The following PCDH7 variants were observed in gnomAD, a reference collection of about 807,000 sequenced individuals.
The protein encoded by PCDH7 is protocadherin 7.
In PCDH7, 17 loss-of-function variants were observed where a neutral mutation model predicts 58.9. The observed-to-expected ratio is 0.29, with a 90% CI of 0.20 to 0.43. The LOEUF is 0.43. Ranked by LOEUF, PCDH7 falls within the 20% of genes least tolerant of loss-of-function variation. The pLI, the probability that PCDH7 is intolerant of heterozygous loss-of-function variation, is 1.00. For missense variants in PCDH7, 1,274 were observed against 1,441.0 expected (o/e 0.88, Z 1.88); for synonymous variants, 664 against 616.4 (o/e 1.08, Z -1.14).
At chr4:30,814,289 T>G (rs901560885) in intron 1 of PCDH7, among the ~76,000 whole-genome samples, 4 of 152,008 alleles carry the variant, frequency 2.6e-5, no homozygotes, top group Non-Finnish European at 4.4e-5. Flanking sequence ...GCAAATAACA[T>G]TAATCACATT....
intron 1 of PCDH7, among the ~76,000 whole-genome samples, chr4:30,837,639 A>G (rs967089251): frequency 2.0e-5 from 3 of 151,952 alleles, no homozygotes; most frequent in Non-Finnish European, 4.4e-5. Context: ...TTGAGTTAAT[A>G]AACGCAAAGG....
chr4:30,799,267 G>A (rs371498368), intron 1 of PCDH7, among the ~76,000 whole-genome samples: 2 of 152,120 alleles, frequency 1.3e-5, no homozygotes, highest in Non-Finnish European at 2.9e-5. Context: ...CATGCTAGGG[G>A]CTGTCTAGCA....
chr4:30,988,414 A>T (rs1460651324), intron 3 of PCDH7, among the ~76,000 whole-genome samples: 3 of 152,222 alleles, frequency 2.0e-5, no homozygotes, highest in Non-Finnish European at 4.4e-5. Context: ...TAAACACTAT[A>T]GTCTGAATTA....
chr4:31,002,446 C>T (rs993017068), intron 3 of PCDH7, among the ~76,000 whole-genome samples: 2 of 152,140 alleles, frequency 1.3e-5, no homozygotes, highest in Non-Finnish European at 2.9e-5. Context: ...ATTAAATTGG[C>T]ATAAATAAGC....
Position 30,722,271 on chromosome 4 carries a change from C to T in PCDH7, c.849C>T (p.Gly283=). 1 of 1,595,698 alleles carries T rather than the reference C, an allele frequency of 6.3e-7. No homozygotes were observed. The highest frequency in any genetic ancestry group is 1.1e-5 in the South Asian group (1 of 89,062). The change falls in exon 1 of 2, where the codon GGC becomes GGT. Residue 283 remains glycine (G), a synonymous_variant. Coordinates refer to ENST00000361762, the Ensembl canonical transcript of PCDH7. The surrounding 1 kb of genome is among the most constrained non-coding windows in gnomAD (Gnocchi z 7.6). ...AGCTGACCCTGCGAGTGCGCGACGG[C>T]GGCGACCCGCCTCGCTCCTCGCAGG...
At chr4:30,823,635 G>A (rs1728645929) in intron 1 of PCDH7, among the ~76,000 whole-genome samples, 2 of 152,052 alleles carry the variant, frequency 1.3e-5, no homozygotes, top group Non-Finnish European at 2.9e-5. Context: ...ATGCCTTCCA[G>A]AGATCAGAAT....
chr4:31,038,111 G>A (rs935595970), intron 3 of PCDH7, among the ~76,000 whole-genome samples: 20 of 152,124 alleles, frequency 1.3e-4, no homozygotes, highest in Non-Finnish European at 2.1e-4. Flanking sequence ...TCTTGTTGTC[G>A]AAAATAAATT....
intron 1 of PCDH7, among the ~76,000 whole-genome samples, chr4:30,851,587 T>G (rs1560435073): frequency 6.6e-6 from 1 of 152,060 alleles, no homozygotes. Context: ...TCTCTGAGCT[T>G]CAGTTGCTTC....
chr4:31,087,235 C>T (rs1712562427), intron 3 of PCDH7, among the ~76,000 whole-genome samples: 1 of 152,044 alleles, frequency 6.6e-6, no homozygotes, highest in Non-Finnish European at 1.5e-5. Flanking sequence ...AGATCAAAAT[C>T]TTTTTACTCA....
At chr4:30,803,066 G>A (rs1277014083) in intron 1 of PCDH7, among the ~76,000 whole-genome samples, 1 of 151,280 alleles carries the variant, frequency 6.6e-6, no homozygotes, top group Non-Finnish European at 1.5e-5. Context: ...AGAGAAGGAA[G>A]TGAAGCCAGG....
intron 1 of PCDH7, among the ~76,000 whole-genome samples, chr4:30,856,558 A>G (rs979849055): frequency 6.6e-6 from 1 of 152,046 alleles, no homozygotes; most frequent in Admixed American, 6.6e-5. Context: ...AAGCTTGATC[A>G]CAAATTTTTC....
At chr4:31,012,515 A>G (rs1753273948) in intron 3 of PCDH7, among the ~76,000 whole-genome samples, 3 of 150,498 alleles carry the variant, frequency 2.0e-5, no homozygotes, top group Non-Finnish European at 4.4e-5. Flanking sequence ...GGTACTCAAT[A>G]CATTTTGTAC....
At chr4:30,990,894 C>A (rs1007206205) in intron 3 of PCDH7, among the ~76,000 whole-genome samples, 1 of 152,026 alleles carries the variant, frequency 6.6e-6, no homozygotes, top group African/African-American at 2.4e-5. Context: ...GAATAATAAT[C>A]CATCCTCTTT....
intron 1 of PCDH7, among the ~76,000 whole-genome samples, chr4:30,896,889 C>CCTTTTTTTT (rs1739467133): frequency 3.7e-5 from 1 of 27,338 alleles, no homozygotes; most frequent in East Asian, 1.4e-3. Flanking sequence ...TAGTTCTTTG[C>CCTTTTTTTT]TTTTTTTTTT....
chr4:30,822,411 C>G lies in PCDH7; in HGVS notation c.71-97742C>G, dbSNP rs576865212. ...CTCATTGTTGTGTTGCATTAAACAG[C>G]GACAGCCTGGCACAGAGTAACAGTG... On this transcript the variant is annotated intron_variant, in intron 1 of 3. Coordinates refer to the PCDH7 transcript ENST00000509759. Among the ~76,000 whole-genome samples, 3 of 152,212 alleles carry G rather than the reference C, an allele frequency of 2.0e-5. No individual in the cohort carries two copies. The South Asian group carries it at 6.2e-4, about 32-fold the overall frequency.
chr4:30,968,897 G>A (rs1371908277), intron 3 of PCDH7, among the ~76,000 whole-genome samples: 1 of 152,102 alleles, frequency 6.6e-6, no homozygotes, highest in African/African-American at 2.4e-5. Context: ...CAATTTTTCT[G>A]TCTTCTCTTT....
intron 1 of PCDH7, among the ~76,000 whole-genome samples, chr4:30,875,718 C>T (rs1427108522): frequency 6.6e-6 from 1 of 151,944 alleles, no homozygotes; most frequent in East Asian, 1.9e-4. Flanking sequence ...CATCTGATTC[C>T]GTATTTGCTT....
chr4:30,901,657 G>T (rs1578224830), intron 1 of PCDH7, among the ~76,000 whole-genome samples: 1 of 152,030 alleles, frequency 6.6e-6, no homozygotes, highest in Non-Finnish European at 1.5e-5. Flanking sequence ...CCTTACAATT[G>T]GCTTAAATGT....
intron 1 of PCDH7, among the ~76,000 whole-genome samples, chr4:30,763,391 A>G (rs1000884540): frequency 5.9e-5 from 9 of 152,226 alleles, no homozygotes; most frequent in African/African-American, 2.2e-4. Flanking sequence ...ATGATTCACC[A>G]CAGTGATCTT....
Sources: allele counts gnomAD v4.1 joint callset (sites outside exome capture counted in the v4.1 genomes callset), GRCh38; gene constraint gnomAD v4.1.1; non-coding constraint Gnocchi (gnomAD v3.1); transcripts MANE v1.5; gene names NCBI Gene and HGNC (gene_info 2026-07-23, HGNC 2026-07-21).